GALNT13: variants seen among roughly 807,000 people sequenced by gnomAD.
GALNT13 encodes polypeptide N-acetylgalactosaminyltransferase 13, also known as UDP-GalNAc:polypeptide N-acetylgalactosaminyltransferase 13.
GALNT13 carries 28 observed loss-of-function variants against 64.2 expected under a neutral mutation model. The ratio of observed to expected loss-of-function variants is 0.44; its 90% CI spans 0.32 to 0.60. The LOEUF (loss-of-function observed/expected upper bound fraction) is 0.60. Ranked by LOEUF, GALNT13 falls within the 20% of genes least tolerant of loss-of-function variation. The pLI is 0.05. For synonymous variants in GALNT13, 214 were observed against 224.6 expected, an observed-to-expected ratio of 0.95 and a Z score of 0.42; for missense variants, 577 against 669.8, an observed-to-expected ratio of 0.86 and a Z score of 1.53.
the GALNT13 span, among the ~76,000 whole-genome samples, chr2:153,698,118 C>A: frequency 6.6e-6 from 1 of 152,100 alleles, no homozygotes; most frequent in Non-Finnish European, 1.5e-5. Flanking sequence ...AAGGAAAAAC[C>A]CGTTCCAGCC....
At chr2:153,494,199 A>C in the GALNT13 span, among the ~76,000 whole-genome samples, 2 of 152,084 alleles carry the variant, frequency 1.3e-5, no homozygotes. Flanking sequence ...TATTGTTAAA[A>C]TTATAATTTT....
At chr2:153,446,232 A>G in the GALNT13 span, among the ~76,000 whole-genome samples, 1 of 152,204 alleles carries the variant, frequency 6.6e-6, no homozygotes, top group Non-Finnish European at 1.5e-5. Context: ...GGCAGACATT[A>G]GTTTTGGTCA....
chr2:154,393,439 G>T (rs1343355917), intron 9 of GALNT13, among the ~76,000 whole-genome samples: 1 of 152,158 alleles, frequency 6.6e-6, no homozygotes, highest in Non-Finnish European at 1.5e-5. Context: ...TTACCTAACT[G>T]CAGGGACCTG....
chr2:154,140,306 A>T (rs375771805), intron 3 of GALNT13, 31 bp from the exon 4 acceptor site: 2 of 1,551,920 alleles, frequency 1.3e-6, no homozygotes, highest in African/African-American at 2.7e-5. Flanking sequence ...GTGTGTTTGT[A>T]TGTATGTCTG....
chr2:153,648,333 C>A, the GALNT13 span, among the ~76,000 whole-genome samples: 242 of 152,264 alleles, frequency 1.6e-3, no homozygotes, highest in African/African-American at 5.7e-3. Context: ...TGAGACTTTG[C>A]TGAAGTTGCT....
At chr2:153,425,897 C>A in the GALNT13 span, among the ~76,000 whole-genome samples, 1 of 151,752 alleles carries the variant, frequency 6.6e-6, no homozygotes, top group African/African-American at 2.4e-5. Context: ...TTCTGCTTTA[C>A]TATCTCATTT....
At chr2:154,118,028 T>C (rs1204318097) in intron 3 of GALNT13, among the ~76,000 whole-genome samples, 2 of 152,214 alleles carry the variant, frequency 1.3e-5, no homozygotes, top group Admixed American at 6.5e-5. Flanking sequence ...GTCTGTTAGA[T>C]CCATTTTGTC....
chr2:154,331,480 T>TA (rs1695165115), intron 9 of GALNT13, among the ~76,000 whole-genome samples: 6 of 144,906 alleles, frequency 4.1e-5, no homozygotes, highest in Admixed American at 1.4e-4. Flanking sequence ...TTTTTTTTTT[T>TA]TAAAATGTAG....
intron 4 of GALNT13, among the ~76,000 whole-genome samples, chr2:154,192,348 T>C (rs1040492324): frequency 1.3e-5 from 2 of 151,842 alleles, no homozygotes; most frequent in Admixed American, 1.3e-4. Context: ...AAGCCAGGAG[T>C]GCGTCCTCAC....
the GALNT13 span, among the ~76,000 whole-genome samples, chr2:153,213,142 A>G: frequency 2.6e-5 from 4 of 152,250 alleles, no homozygotes; most frequent in African/African-American, 9.6e-5. Context: ...CTGCCACATA[A>G]GAACCCTGGA....
chr2:154,425,676 AAG>A (rs1382823096), intron 11 of GALNT13, among the ~76,000 whole-genome samples: 32 of 152,338 alleles, frequency 2.1e-4, no homozygotes, highest in African/African-American at 6.5e-4. Flanking sequence ...TTACAAAAAG[AAG>A]AGAGTTCAAA....
In GALNT13 at chr2:154,288,761, G is replaced by A. The variant is rs79751185; in HGVS notation, c.976-12648G>A. On this transcript the variant is annotated intron_variant, in intron 8 of 12. Coordinates refer to ENST00000392825, the MANE Select transcript of GALNT13 (RefSeq NM_052917.4). ...AAGAGGTGGGTTTCCATGGTCTTGCGCAGCTCCACCATTGTGATTTTGCAA... is the reference window on the plus strand; with the variant it reads ...AAGAGGTGGGTTTCCATGGTCTTGCACAGCTCCACCATTGTGATTTTGCAA... 1.1e-3 allele frequency among the ~76,000 whole-genome samples: 163 copies of A among 152,270 alleles called. 2 individuals are homozygous for A. The highest frequency in any genetic ancestry group is 1.7e-3 in the Non-Finnish European group (114 of 68,020).
chr2:154,093,058 C>T (rs1418279612), intron 3 of GALNT13, among the ~76,000 whole-genome samples: 3 of 151,808 alleles, frequency 2.0e-5, no homozygotes, highest in Non-Finnish European at 4.4e-5. Context: ...GTGAAATACT[C>T]AAAAGATTTC....
the GALNT13 span, among the ~76,000 whole-genome samples, chr2:153,360,006 A>G: frequency 5.9e-5 from 9 of 152,218 alleles, no homozygotes; most frequent in African/African-American, 2.2e-4. Context: ...TGGGGCCAAG[A>G]TGATCAGCTA....
At chr2:153,374,165 G>A in the GALNT13 span, among the ~76,000 whole-genome samples, 1 of 152,078 alleles carries the variant, frequency 6.6e-6, no homozygotes, top group South Asian at 2.1e-4. Flanking sequence ...TTGAAGAATT[G>A]CCATACCATT....
the GALNT13 span, among the ~76,000 whole-genome samples, chr2:153,176,062 A>G: frequency 6.6e-6 from 1 of 152,194 alleles, no homozygotes; most frequent in African/African-American, 2.4e-5. Flanking sequence ...TGTAAAGCTA[A>G]AGAGTAAGCC....
At chr2:153,589,093 C>G in the GALNT13 span, among the ~76,000 whole-genome samples, 4 of 152,022 alleles carry the variant, frequency 2.6e-5, no homozygotes, top group Non-Finnish European at 5.9e-5. Flanking sequence ...TGAGATCATG[C>G]CATTGCACTC....
chr2:153,207,152 T>A, the GALNT13 span, among the ~76,000 whole-genome samples: 1 of 152,082 alleles, frequency 6.6e-6, no homozygotes, highest in Non-Finnish European at 1.5e-5. Flanking sequence ...GGTCTAGACA[T>A]TGCAAATGAT....
At chr2:153,230,212 A>G in the GALNT13 span, among the ~76,000 whole-genome samples, 1 of 152,214 alleles carries the variant, frequency 6.6e-6, no homozygotes, top group Admixed American at 6.5e-5. Context: ...GGTAAAGTCA[A>G]GAACTCCGTT....
Sources: allele counts gnomAD v4.1 joint callset (sites outside exome capture counted in the v4.1 genomes callset), GRCh38; gene constraint gnomAD v4.1.1; transcripts MANE v1.5; gene names NCBI Gene and HGNC (gene_info 2026-07-23, HGNC 2026-07-21).